TSPAN7: variants seen among roughly 807,000 people sequenced by gnomAD.
The protein encoded by TSPAN7 is tetraspanin 7.
Under a neutral mutation model 17.6 loss-of-function variants are expected in TSPAN7, and 1 was observed. The ratio of observed to expected loss-of-function variants is 0.06; its 90% confidence interval spans 0.02 to 0.27. The LOEUF is 0.27. Ranked by LOEUF, TSPAN7 falls within the 10% of genes least tolerant of loss-of-function variation. TSPAN7 has a pLI of 1.00. For missense variants in TSPAN7, 112 were observed against 201.7 expected (o/e 0.56, Z 2.69); for synonymous variants, 78 against 79.0 (o/e 0.99, Z 0.07).
At chrX:38,681,341 C>T (rs1211643043) in intron 6 of TSPAN7, 54 bp downstream of exon 6, 2 of 1,037,303 alleles carry the variant, frequency 1.9e-6, no homozygotes, top group Non-Finnish European at 2.7e-6. Flanking sequence ...GCCTCCCTCC[C>T]TGGCCTCCAG....
chrX:38,599,545 C>T (rs929613359), intron 1 of TSPAN7, among the ~76,000 whole-genome samples: 1 of 111,163 alleles, frequency 9.0e-6, no homozygotes, highest in African/African-American at 3.3e-5. Context: ...AGACAATAGG[C>T]ATTATGAAAA....
intron 1 of TSPAN7, among the ~76,000 whole-genome samples, chrX:38,590,592 T>C (rs929643369): frequency 8.0e-5 from 9 of 111,898 alleles, no homozygotes; most frequent in African/African-American, 2.9e-4. Context: ...TTTCAACTTC[T>C]TTAGTAGATA....
chrX:38,662,697 T>C (rs1421331402), intron 1 of TSPAN7, among the ~76,000 whole-genome samples: 1 of 111,490 alleles, frequency 9.0e-6, no homozygotes, highest in African/African-American at 3.3e-5. Context: ...AGAGAATAGC[T>C]GTTTTCCTGG....
chrX:38,644,888 G>A (rs1218177056), intron 1 of TSPAN7, among the ~76,000 whole-genome samples: 1 of 112,011 alleles, frequency 8.9e-6, no homozygotes, highest in Non-Finnish European at 1.9e-5. Flanking sequence ...TTACAGATGA[G>A]GGAATGCACA....
At chrX:38,674,398 T>A (rs1014679116) in intron 4 of TSPAN7, 82 bp downstream of exon 4, 3 of 861,227 alleles carry the variant, frequency 3.5e-6, no homozygotes, top group Non-Finnish European at 5.0e-6. Context: ...GTTGGCCCAG[T>A]AGTTGCTATT....
intron 1 of TSPAN7, among the ~76,000 whole-genome samples, chrX:38,569,604 C>G (rs1293291291): frequency 2.7e-5 from 3 of 111,296 alleles, no homozygotes; most frequent in Non-Finnish European, 5.7e-5. Context: ...CTGCTAACCC[C>G]TGAGTCTTTT....
chrX:38,574,400 C>A (rs1277694968), intron 1 of TSPAN7, among the ~76,000 whole-genome samples: 1 of 111,859 alleles, frequency 8.9e-6, no homozygotes, highest in Non-Finnish European at 1.9e-5. Flanking sequence ...GAGAAATATA[C>A]AATAATTAAT....
chrX:38,571,365 G>T (rs1441305551), intron 1 of TSPAN7, among the ~76,000 whole-genome samples: 2 of 111,542 alleles, frequency 1.8e-5, no homozygotes, highest in Admixed American at 1.9e-4. Flanking sequence ...CAGAGTGCCA[G>T]AATTGATATG....
At chrX:38,597,947 G>A (rs919117622) in intron 1 of TSPAN7, among the ~76,000 whole-genome samples, 1 of 111,662 alleles carries the variant, frequency 9.0e-6, no homozygotes, top group African/African-American at 3.3e-5. Flanking sequence ...ATATTCCAGA[G>A]AGGCTTTTCT....
intron 5 of TSPAN7, among the ~76,000 whole-genome samples, 198 bp from the exon 6 acceptor site, chrX:38,681,006 C>G (rs1007214280): frequency 2.7e-5 from 3 of 111,720 alleles, no homozygotes; most frequent in Admixed American, 9.5e-5. Context: ...GGTCATGTGT[C>G]TCTGTATTTT....
intron 1 of TSPAN7, among the ~76,000 whole-genome samples, chrX:38,647,159 G>A (rs1293457432): frequency 1.8e-5 from 2 of 112,307 alleles, no homozygotes; most frequent in African/African-American, 6.5e-5. Flanking sequence ...AGCTTCTACT[G>A]GTTGGTTTTG....
intron 1 of TSPAN7, among the ~76,000 whole-genome samples, chrX:38,608,490 A>G (rs1291221582): frequency 9.0e-6 from 1 of 111,050 alleles, no homozygotes; most frequent in African/African-American, 3.3e-5. Context: ...TTCTTAGTGG[A>G]TAAGAACTAT....
At chrX:38,568,281 T>G (rs1377909303) in intron 1 of TSPAN7, among the ~76,000 whole-genome samples, 1 of 107,019 alleles carries the variant, frequency 9.3e-6, no homozygotes, top group Non-Finnish European at 1.9e-5. Context: ...ATGTCATGTC[T>G]TTCTCTTCCT....
At chrX:38,569,283 T>C (rs1221667149) in intron 1 of TSPAN7, among the ~76,000 whole-genome samples, 1 of 111,183 alleles carries the variant, frequency 9.0e-6, no homozygotes, top group African/African-American at 3.3e-5. Flanking sequence ...CAGAAGAATC[T>C]TCTAATTGCT....
intron 1 of TSPAN7, among the ~76,000 whole-genome samples, chrX:38,626,034 G>C (rs1273976557): frequency 1.8e-5 from 2 of 112,233 alleles, no homozygotes; most frequent in Non-Finnish European, 3.8e-5. Context: ...ACTGTTTCTT[G>C]TTCACTGCTA....
intron 3 of TSPAN7, among the ~76,000 whole-genome samples, chrX:38,672,428 C>T (rs2069827471): frequency 9.1e-6 from 1 of 110,209 alleles, no homozygotes; most frequent in Admixed American, 9.7e-5. Flanking sequence ...ATGCTCTCTG[C>T]TCCCCTACTG....
chrX:38,681,136 C>T lies in TSPAN7; in HGVS notation c.598-68C>T, dbSNP rs1051100535. 1.9e-5 allele frequency: 17 copies of T among 897,684 alleles called. 1 individual carries two copies. The highest frequency in any genetic ancestry group is 7.8e-5 in the African/African-American group (4 of 51,365). The allele number at this position is 897,684 out of a possible 1,213,427, so 74.0% of individuals were successfully genotyped here. On this transcript the variant is annotated intron_variant, in intron 5 of 7. Transcript: ENST00000378482. ...GTTGAAGTGTATGTTGGGAGTGTTT[C>T]GAGTACACATAGCCCAGCTTGGCCT...
chrX:38,617,963 C>T (rs1199108400), intron 1 of TSPAN7, among the ~76,000 whole-genome samples: 1 of 111,398 alleles, frequency 9.0e-6, no homozygotes, highest in African/African-American at 3.3e-5. Context: ...GAGACTTAAG[C>T]GATACGATGA....
chrX:38,585,609 G>A (rs754072740), intron 1 of TSPAN7, among the ~76,000 whole-genome samples: 21 of 111,430 alleles, frequency 1.9e-4, no homozygotes, highest in African/African-American at 3.9e-4. Flanking sequence ...TTATTCAATG[G>A]ATGTGATATA....
Sources: gnomAD v4.1 joint callset for allele counts (sites outside exome capture counted in the v4.1 genomes callset) on GRCh38, gnomAD v4.1.1 for gene constraint, MANE v1.5 for transcripts, NCBI Gene and HGNC (gene_info 2026-07-23, HGNC 2026-07-21) for gene names.